The following CDH12 variants were observed in gnomAD, a reference collection of about 807,000 sequenced individuals.
CDH12 encodes cadherin 12, also known as cadherin-12.
CDH12 carries 41 observed loss-of-function variants against 74.1 expected under a neutral mutation model. That is an observed-to-expected ratio of 0.55 (90% CI 0.43 to 0.72). The LOEUF (loss-of-function observed/expected upper bound fraction) is 0.72. CDH12 is among the 30% of genes least tolerant of loss of function. The pLI, the probability that CDH12 is intolerant of heterozygous loss-of-function variation, is 0.00. For missense variants in CDH12, 945 were observed against 977.2 expected (o/e 0.97, Z 0.44); for synonymous variants, 399 against 355.0 (o/e 1.12, Z -1.39).
At chr5:22,387,364 TC>T (rs1281244239) in intron 3 of CDH12, among the ~76,000 whole-genome samples, 2 of 152,116 alleles carry the variant, frequency 1.3e-5, no homozygotes, top group African/African-American at 4.8e-5. Flanking sequence ...AACTATATCT[TC>T]CCTTTAGTTG....
chr5:22,535,310 A>G lies in CDH12; in HGVS notation c.-522-29946T>C, dbSNP rs550708077. On this transcript the variant is annotated intron_variant, in intron 1 of 14. Transcript: ENST00000382254. ...GCTGGGACTACAGGCGCCCGCTACCACGCCCGGCTAATTTTTTTTGTATTT... is the reference window on the plus strand; with the variant it reads ...GCTGGGACTACAGGCGCCCGCTACCGCGCCCGGCTAATTTTTTTTGTATTT... Among the ~76,000 whole-genome samples, 12 of 151,620 alleles carry G rather than the reference A, an allele frequency of 7.9e-5. No individual in the cohort carries two copies. In the South Asian group the frequency reaches 2.3e-3, roughly 29 times the overall value.
At chr5:22,721,149 C>A (rs1561602122) in intron 1 of CDH12, among the ~76,000 whole-genome samples, 1 of 152,208 alleles carries the variant, frequency 6.6e-6, no homozygotes, top group South Asian at 2.1e-4. Context: ...GTTTCATGAG[C>A]CCGGCCCAGG....
chr5:22,588,892 A>T (rs1040950755), intron 1 of CDH12, among the ~76,000 whole-genome samples: 3 of 152,060 alleles, frequency 2.0e-5, no homozygotes, highest in Non-Finnish European at 4.4e-5. Flanking sequence ...CTTGCATTGT[A>T]ATTTTTTCTT....
intron 4 of CDH12, among the ~76,000 whole-genome samples, chr5:22,104,369 A>G (rs1445495586): frequency 1.3e-5 from 2 of 152,190 alleles, no homozygotes; most frequent in South Asian, 2.1e-4. Flanking sequence ...TGTGTGTTAA[A>G]CAGTCTTTGT....
In CDH12 at chr5:22,462,497, C is replaced by T. The variant is rs962749602; in HGVS notation, c.-428+42773G>A. On this transcript the variant is annotated intron_variant, in intron 2 of 14. Coordinates refer to ENST00000382254, the MANE Select transcript of CDH12 (RefSeq NM_004061.5). ...AAAACTACCATTTGACTCAGGTAGT[C>T]GGATCAAACTAACTACCTGGGTGGC... Among the ~76,000 whole-genome samples, 13 of 152,126 alleles carry T rather than the reference C, an allele frequency of 8.5e-5. 1 individual carries two copies. The highest frequency in any genetic ancestry group is 3.1e-4 in the African/African-American group (13 of 41,414).
chr5:21,880,621 T>TCCTTCCTTCCTTCCTTCCTTCTTTCTC (rs1561268481), intron 6 of CDH12, among the ~76,000 whole-genome samples: 2 of 48,564 alleles, frequency 4.1e-5, no homozygotes, highest in South Asian at 8.3e-4. Context: ...CCTTCCTTCT[T>TCCTTCCTTCCTTCCTTCCTTCTTTCTC]TCTTTCTTTC....
At chr5:22,534,545 G>A (rs1737741581) in intron 1 of CDH12, among the ~76,000 whole-genome samples, 1 of 152,240 alleles carries the variant, frequency 6.6e-6, no homozygotes, top group African/African-American at 2.4e-5. Flanking sequence ...GCCACAAGCA[G>A]CCTCTCTGCT....
intron 5 of CDH12, among the ~76,000 whole-genome samples, chr5:21,986,050 A>C (rs1757503145): frequency 6.6e-6 from 1 of 152,116 alleles, no homozygotes; most frequent in Non-Finnish European, 1.5e-5. Context: ...AATTCCCTCT[A>C]ACAGCCCAAT....
intron 1 of CDH12, among the ~76,000 whole-genome samples, chr5:22,673,086 G>A (rs6870865): frequency 0.67 from 102,187 of 151,732 alleles, 34,612 homozygotes; most frequent in Admixed American, 0.73. Context: ...TCAATTATCA[G>A]TACTCCAACT....
intron 3 of CDH12, among the ~76,000 whole-genome samples, chr5:22,230,849 T>C (rs1344929829): frequency 1.3e-5 from 2 of 152,136 alleles, no homozygotes; most frequent in Admixed American, 1.3e-4. Flanking sequence ...TCCTCCACCC[T>C]ATTGTAAGAA....
At chr5:22,729,033 C>T (rs1260763735) in intron 1 of CDH12, among the ~76,000 whole-genome samples, 1 of 151,868 alleles carries the variant, frequency 6.6e-6, no homozygotes, top group Non-Finnish European at 1.5e-5. Flanking sequence ...ACCAGCAGTT[C>T]CTCATTACCA....
chr5:22,822,463 A>G (rs1749756556), intron 1 of CDH12, among the ~76,000 whole-genome samples: 1 of 152,190 alleles, frequency 6.6e-6, no homozygotes, highest in East Asian at 1.9e-4. Flanking sequence ...GAATGGGAGA[A>G]AATTTTCGCA....
intron 3 of CDH12, among the ~76,000 whole-genome samples, chr5:22,229,689 G>A (rs1424646891): frequency 1.3e-5 from 2 of 151,758 alleles, no homozygotes; most frequent in Non-Finnish European, 2.9e-5. Flanking sequence ...GATTCTTTAG[G>A]AACTTTGATT....
At chr5:22,482,095 T>G (rs1318191648) in intron 2 of CDH12, among the ~76,000 whole-genome samples, 1 of 152,148 alleles carries the variant, frequency 6.6e-6, no homozygotes, top group Non-Finnish European at 1.5e-5. Flanking sequence ...TACAAAATCC[T>G]GATTTCTATT....
At chr5:22,839,480 C>T (rs973748413) in intron 1 of CDH12, among the ~76,000 whole-genome samples, 18 of 151,640 alleles carry the variant, frequency 1.2e-4, no homozygotes, top group African/African-American at 3.9e-4. Flanking sequence ...CACAGCCTCC[C>T]GAGTAGCTGG....
chr5:21,894,427 A>T (rs1449164500), intron 6 of CDH12, among the ~76,000 whole-genome samples: 1 of 151,226 alleles, frequency 6.6e-6, no homozygotes, highest in Non-Finnish European at 1.5e-5. Flanking sequence ...ATCTCAGGTT[A>T]TGAATATTCC....
chr5:22,045,156 G>T (rs1479808429), intron 5 of CDH12, among the ~76,000 whole-genome samples: 1 of 152,214 alleles, frequency 6.6e-6, no homozygotes, highest in South Asian at 2.1e-4. Context: ...TTTTTTAAAA[G>T]AAGACATATA....
intron 3 of CDH12, among the ~76,000 whole-genome samples, chr5:22,374,587 T>C (rs1200902348): frequency 3.9e-5 from 6 of 152,108 alleles, no homozygotes; most frequent in Non-Finnish European, 8.8e-5. Flanking sequence ...AAACCCCTAG[T>C]TTTGATAAAG....
At chr5:22,653,338 A>C (rs1273706839) in intron 1 of CDH12, among the ~76,000 whole-genome samples, 2 of 152,176 alleles carry the variant, frequency 1.3e-5, no homozygotes, top group Non-Finnish European at 1.5e-5. Flanking sequence ...TCTTCACTTA[A>C]GTGAAACATA....
Sources: allele counts gnomAD v4.1 joint callset (sites outside exome capture counted in the v4.1 genomes callset), GRCh38; gene constraint gnomAD v4.1.1; transcripts MANE v1.5; gene names NCBI Gene and HGNC (gene_info 2026-07-23, HGNC 2026-07-21).